Variants in ELAVL2 observed in about 807,000 individuals in gnomAD.
ELAVL2 encodes the protein ELAV-like protein 2.
In ELAVL2, 4 loss-of-function variants were observed where a neutral mutation model predicts 34.6. That is an observed-to-expected ratio of 0.12 (90% CI 0.06 to 0.26). The LOEUF is 0.26. Among genes scored for constraint, ELAVL2 ranks in the 10% least tolerant of loss-of-function variants. The pLI, the probability that ELAVL2 is intolerant of heterozygous loss-of-function variation, is 1.00. For missense variants in ELAVL2, 432 were observed against 442.8 expected (o/e 0.98, Z 0.22); for synonymous variants, 193 against 154.8 (o/e 1.25, Z -1.83).
At chr9:23,749,058 G>T (rs12345039) in intron 2 of ELAVL2, among the ~76,000 whole-genome samples, 1,603 of 152,174 alleles carry the variant, frequency 0.011, 24 homozygotes, top group African/African-American at 0.036. Flanking sequence ...AAATGGATAA[G>T]GGTGACGGCT....
intron 1 of ELAVL2, among the ~76,000 whole-genome samples, chr9:23,795,104 T>C (rs1032767651): frequency 1.3e-5 from 2 of 152,182 alleles, no homozygotes; most frequent in African/African-American, 4.8e-5. Flanking sequence ...AACACATTTC[T>C]AAGCAATATT....
At chr9:23,761,457 A>G (rs924663553) in intron 2 of ELAVL2, among the ~76,000 whole-genome samples, 3 of 152,090 alleles carry the variant, frequency 2.0e-5, no homozygotes, top group African/African-American at 7.2e-5. Context: ...TTATAACAAG[A>G]AGGACAATCA....
At chr9:23,796,915 T>C (rs1008236588) in intron 1 of ELAVL2, among the ~76,000 whole-genome samples, 11 of 152,194 alleles carry the variant, frequency 7.2e-5, no homozygotes, top group African/African-American at 2.7e-4. Flanking sequence ...ATTTTCCTCA[T>C]TCCAAATAGT....
intron 3 of ELAVL2, among the ~76,000 whole-genome samples, chr9:23,724,863 A>G (rs545665743): frequency 1.6e-3 from 248 of 152,196 alleles, no homozygotes; most frequent in Non-Finnish European, 2.9e-3. Context: ...CTCCTGGCAT[A>G]TACTTTTTCA....
rs142826757 is a variant in ELAVL2 at position 23,719,104 on chromosome 9, G to A, written c.333+11918C>T. ...AATTTAAAGAGGGGCAGCGAGGAGG[G>A]GAACTACCACCTTTATCTTTGTTCT... On this transcript the variant is annotated intron_variant, in intron 3 of 6. Transcript: ENST00000397312. 3.9e-3 allele frequency among the ~76,000 whole-genome samples: 598 copies of A among 152,226 alleles called. 4 individuals carry two copies. The highest frequency in any genetic ancestry group is 0.013 in the African/African-American group (554 of 41,524).
At chr9:23,736,393 A>G (rs2047896612) in intron 2 of ELAVL2, among the ~76,000 whole-genome samples, 1 of 152,226 alleles carries the variant, frequency 6.6e-6, no homozygotes. Context: ...GATCTTTCTC[A>G]TAAAGCCTAT....
intron 3 of ELAVL2, among the ~76,000 whole-genome samples, chr9:23,717,589 T>C (rs2042639358): frequency 6.6e-6 from 1 of 152,226 alleles, no homozygotes; most frequent in Non-Finnish European, 1.5e-5. Flanking sequence ...TTATGTGTAA[T>C]ACATTTCTTC....
intron 1 of ELAVL2, among the ~76,000 whole-genome samples, chr9:23,771,764 T>C (rs949359351): frequency 2.0e-4 from 31 of 152,214 alleles, no homozygotes; most frequent in Admixed American, 7.9e-4. Flanking sequence ...TGGATGAAGA[T>C]TAGATTAAGT....
At chr9:23,816,317 T>TAA (rs10717104) in intron 1 of ELAVL2, among the ~76,000 whole-genome samples, 4,332 of 44,748 alleles carry the variant, frequency 0.097, 312 homozygotes, top group East Asian at 0.12. Context: ...AAGCTTTCAG[T>TAA]AAAAAAAAAA....
the ELAVL2 span, chr9:23,850,019 A>G: frequency 3.0e-4 from 45 of 152,188 alleles, no homozygotes; most frequent in Admixed American, 2.2e-3. Flanking sequence ...TAATCACAAC[A>G]AAAAGGAGAG....
chr9:23,770,183 A>C (rs770647097), intron 1 of ELAVL2, among the ~76,000 whole-genome samples: 3 of 152,166 alleles, frequency 2.0e-5, no homozygotes, highest in Non-Finnish European at 4.4e-5. Flanking sequence ...CATAGAAGAA[A>C]ACAGTACATC....
intron 2 of ELAVL2, among the ~76,000 whole-genome samples, chr9:23,757,453 C>G (rs575672801): frequency 1.3e-5 from 2 of 152,144 alleles, no homozygotes; most frequent in Non-Finnish European, 2.9e-5. Context: ...ACCTGGGCCT[C>G]TCATCACCTA....
intron 1 of ELAVL2, among the ~76,000 whole-genome samples, chr9:23,769,986 T>C (rs907120574): frequency 6.6e-6 from 1 of 152,122 alleles, no homozygotes; most frequent in Admixed American, 6.5e-5. Flanking sequence ...GTTTGAGCAA[T>C]GGGAAAGTAA....
At chr9:23,756,277 C>G (rs1257887780) in intron 2 of ELAVL2, among the ~76,000 whole-genome samples, 2 of 152,140 alleles carry the variant, frequency 1.3e-5, no homozygotes. Context: ...ATGGCAGGAG[C>G]CTTATCATGC....
At chr9:23,796,088 G>A (rs571939271) in intron 1 of ELAVL2, among the ~76,000 whole-genome samples, 17 of 152,282 alleles carry the variant, frequency 1.1e-4, no homozygotes, top group Middle Eastern at 3.4e-3. Flanking sequence ...AATTTGAACA[G>A]TAATATACTT....
chr9:23,744,687 C>T (rs1481723262), intron 2 of ELAVL2, among the ~76,000 whole-genome samples: 1 of 151,886 alleles, frequency 6.6e-6, no homozygotes, highest in Non-Finnish European at 1.5e-5. Flanking sequence ...TGAAATGGAT[C>T]TTAACACAAA....
In ELAVL2 at chr9:23,751,916, C is replaced by A. The variant is rs1034081067; in HGVS notation, c.229+10090G>T. On this transcript the variant is annotated intron_variant, in intron 2 of 6. Transcript: ENST00000397312. Reference sequence around the variant, plus strand: ...TAATCATCATTCTGGGCTCCCAAGTCCTGCCTCGCACTTTCTATTCTTACT... The same window carrying A: ...TAATCATCATTCTGGGCTCCCAAGTACTGCCTCGCACTTTCTATTCTTACT... Among the ~76,000 whole-genome samples, 3 of 152,124 alleles carry A rather than the reference C, an allele frequency of 2.0e-5. No individual in the cohort carries two copies. The South Asian group carries it at 6.2e-4, about 31-fold the overall frequency.
At chr9:23,816,044 T>C (rs2063656493) in intron 1 of ELAVL2, among the ~76,000 whole-genome samples, 1 of 152,088 alleles carries the variant, frequency 6.6e-6, no homozygotes, top group African/African-American at 2.4e-5. Context: ...ATTTCCCAAA[T>C]GGAACCTCAT....
chr9:23,703,856 A>G (rs988553262), intron 4 of ELAVL2, among the ~76,000 whole-genome samples: 1 of 152,168 alleles, frequency 6.6e-6, no homozygotes, highest in African/African-American at 2.4e-5. Flanking sequence ...ACTACAGCTA[A>G]TATTTCCTCC....
Sources: allele counts gnomAD v4.1 joint callset (sites outside exome capture counted in the v4.1 genomes callset), GRCh38; gene constraint gnomAD v4.1.1; transcripts MANE v1.5; gene names NCBI Gene and HGNC (gene_info 2026-07-23, HGNC 2026-07-21).